Variants in TENM1 observed in about 807,000 individuals in gnomAD.
TENM1 encodes the protein teneurin-1.
TENM1 carries 35 observed loss-of-function variants against 174.8 expected under a neutral mutation model. That is an observed-to-expected ratio of 0.20 (90% CI 0.15 to 0.27). The LOEUF is 0.27. TENM1 is among the 10% of genes least tolerant of loss of function. TENM1 has a pLI of 1.00. For missense variants in TENM1, 1,633 were observed against 2,130.1 expected, an observed-to-expected ratio of 0.77 and a Z score of 4.59; for synonymous variants, 781 against 798.7, an observed-to-expected ratio of 0.98 and a Z score of 0.37.
chrX:124,902,563 T>G (rs2057681246), intron 1 of TENM1, among the ~76,000 whole-genome samples: 2 of 112,483 alleles, frequency 1.8e-5, no homozygotes, highest in Non-Finnish European at 3.8e-5. Flanking sequence ...TATTACAATC[T>G]TAAGCAAGAA....
chrX:124,414,539 T>C (rs1404340716), intron 25 of TENM1, among the ~76,000 whole-genome samples: 1 of 110,724 alleles, frequency 9.0e-6, no homozygotes, highest in African/African-American at 3.3e-5. Context: ...GTTAGCTGTT[T>C]CTCTGTGGTC....
At chrX:125,047,318 C>G in the TENM1 span, among the ~76,000 whole-genome samples, 27 of 111,726 alleles carry the variant, frequency 2.4e-4, no homozygotes, top group Non-Finnish European at 4.3e-4. Flanking sequence ...ACAGAGTTGA[C>G]AAGCTGTAGG....
At chrX:124,933,499 T>C (rs1468735382) in intron 1 of TENM1, among the ~76,000 whole-genome samples, 3 of 112,379 alleles carry the variant, frequency 2.7e-5, no homozygotes, top group Admixed American at 1.9e-4. Flanking sequence ...AAGTGCACTT[T>C]AAAAGGAGGG....
chrX:124,854,690 A>G (rs1418822419), intron 3 of TENM1, among the ~76,000 whole-genome samples: 1 of 112,020 alleles, frequency 8.9e-6, no homozygotes, highest in Admixed American at 9.5e-5. Context: ...CAGAAAATAT[A>G]TTTCATAAAT....
At chrX:125,041,725 G>A in the TENM1 span, among the ~76,000 whole-genome samples, 1 of 111,605 alleles carries the variant, frequency 9.0e-6, no homozygotes, top group African/African-American at 3.2e-5. Flanking sequence ...TGGGGCTAGT[G>A]CCCTAATCAC....
intron 11 of TENM1, among the ~76,000 whole-genome samples, chrX:124,619,255 A>G (rs2050463101): frequency 8.9e-6 from 1 of 111,770 alleles, no homozygotes; most frequent in South Asian, 3.7e-4. Context: ...TTTAATAAAT[A>G]CTTTTCTGTA....
chrX:124,980,963 T>G, the TENM1 span, among the ~76,000 whole-genome samples: 1 of 112,151 alleles, frequency 8.9e-6, no homozygotes, highest in Admixed American at 9.5e-5. Flanking sequence ...AATTTGAAAT[T>G]TGTACTTTCC....
chrX:124,528,795 A>G (rs1007240228), intron 16 of TENM1, among the ~76,000 whole-genome samples: 14 of 111,331 alleles, frequency 1.3e-4, no homozygotes, highest in Non-Finnish European at 1.9e-4. Flanking sequence ...TAATTTATAC[A>G]TAAATAATTT....
At chrX:124,674,453 T>C (rs2148440731) in intron 5 of TENM1, among the ~76,000 whole-genome samples, 1 of 110,534 alleles carries the variant, frequency 9.0e-6, no homozygotes, top group East Asian at 2.8e-4. Context: ...CAGAGAAGGA[T>C]AGCCTATTTA....
the TENM1 span, among the ~76,000 whole-genome samples, chrX:125,175,550 T>C: frequency 1.8e-5 from 2 of 111,177 alleles, no homozygotes; most frequent in African/African-American, 6.5e-5. Flanking sequence ...GAAAGCAAAA[T>C]GATAAAATAA....
At chrX:124,624,417 C>G (rs1170070754) in intron 11 of TENM1, among the ~76,000 whole-genome samples, 1 of 111,307 alleles carries the variant, frequency 9.0e-6, no homozygotes, top group African/African-American at 3.3e-5. Flanking sequence ...AATCATACTT[C>G]CGATGTTAAG....
At chrX:124,431,619 T>C (rs1357844631) in intron 23 of TENM1, among the ~76,000 whole-genome samples, 1 of 112,298 alleles carries the variant, frequency 8.9e-6, no homozygotes, top group Non-Finnish European at 1.9e-5. Flanking sequence ...TTCAAATGTA[T>C]AAAAGAGGGA....
the TENM1 span, among the ~76,000 whole-genome samples, chrX:125,114,574 G>GAAAT: frequency 9.1e-6 from 1 of 110,320 alleles, no homozygotes; most frequent in African/African-American, 3.3e-5. Context: ...TGATCTCACA[G>GAAAT]AAATACAAAC....
At chrX:124,901,029 C>T (rs762366520) in intron 1 of TENM1, among the ~76,000 whole-genome samples, 72 of 110,712 alleles carry the variant, frequency 6.5e-4, no homozygotes, top group African/African-American at 2.3e-3. Context: ...TGACCTCAGG[C>T]GATCCATCTG....
rs191609905 is a variant in TENM1, at chrX:124,511,018, C to A, written c.3302-7315G>T. On this transcript the variant is annotated intron_variant, in intron 18 of 31. Coordinates refer to ENST00000422452, the Ensembl canonical transcript of TENM1. ...TTGCTTATGAAAGTATTAGTGAAGG[C>A]CATTTGAAAACCTTGGTAGGAACTC... is the stretch of plus-strand genomic sequence containing the variant. Among the ~76,000 whole-genome samples the A allele has an allele frequency of 2.7e-5, 3 of 111,884 alleles. No individual in the cohort carries two copies. The East Asian group carries it at 8.4e-4, about 31-fold the overall frequency.
At chrX:124,534,631 C>T (rs886299299) in intron 15 of TENM1, among the ~76,000 whole-genome samples, 15 of 112,036 alleles carry the variant, frequency 1.3e-4, no homozygotes, top group Non-Finnish European at 1.9e-4. Context: ...TGAAGGGTAA[C>T]ATTCAAAATC....
At chrX:124,753,147 A>C (rs1400859144) in intron 3 of TENM1, among the ~76,000 whole-genome samples, 4 of 108,900 alleles carry the variant, frequency 3.7e-5, no homozygotes, top group Non-Finnish European at 5.7e-5. Flanking sequence ...ATTTCTTTGT[A>C]TCCTCTTTTA....
chrX:124,877,765 T>G (rs112533345), intron 3 of TENM1, among the ~76,000 whole-genome samples: 1 of 111,301 alleles, frequency 9.0e-6, no homozygotes, highest in African/African-American at 3.3e-5. Flanking sequence ...CAGAAATCCA[T>G]GCATAATTTT....
the TENM1 span, among the ~76,000 whole-genome samples, chrX:125,195,931 A>G: frequency 9.1e-6 from 1 of 109,488 alleles, no homozygotes; most frequent in African/African-American, 3.3e-5. Context: ...TTCTCTTAAA[A>G]CTGTATACCA....
Sources: gnomAD v4.1 joint callset for allele counts (sites outside exome capture counted in the v4.1 genomes callset) on GRCh38, gnomAD v4.1.1 for gene constraint, MANE v1.5 for transcripts, NCBI Gene and HGNC (gene_info 2026-07-23, HGNC 2026-07-21) for gene names.